Variants in FAM234B observed in about 807,000 individuals in gnomAD.
FAM234B encodes family with sequence similarity 234 member B.
In FAM234B, 33 loss-of-function variants were observed where a neutral mutation model predicts 69.3. The ratio of observed to expected loss-of-function variants is 0.48; its 90% CI spans 0.36 to 0.64. FAM234B has a LOEUF of 0.64. Ranked by LOEUF, FAM234B falls within the 30% of genes least tolerant of loss-of-function variation. The pLI is 0.00. For synonymous variants in FAM234B, 306 were observed against 306.9 expected (o/e 1.00, Z 0.03); for missense variants, 697 against 769.7 (o/e 0.91, Z 1.12).
chr12:13,056,731 G>A (rs952626605), intron 2 of FAM234B, among the ~76,000 whole-genome samples: 54 of 152,240 alleles, frequency 3.5e-4, no homozygotes, highest in African/African-American at 1.3e-3. Context: ...GTAACAAATT[G>A]TTGGTGTGTC....
Position 13,068,399 on chromosome 12 carries a change from G to T in FAM234B, c.1238G>T (p.Gly413Val), listed in dbSNP as rs142243670. ...TTRQSLVLLR[G>V]QNLTPYWALR... Reference sequence around the variant, plus strand: ...AGACAAAGCCTTGTGCTGCTTCGGGGGCAAAATCTGACACCTTACTGGGCA... The same window carrying T: ...AGACAAAGCCTTGTGCTGCTTCGGGTGCAAAATCTGACACCTTACTGGGCA... The change falls in exon 8 of 13, where the codon GGG becomes GTG. Residue 413 changes from glycine (G) to valine (V), a missense_variant. Around this residue, in one of 3 missense-constraint regions of FAM234B, gnomAD observed 313 missense variants for 305.5 expected, o/e 1.02. Transcript: ENST00000197268. The T allele has an allele frequency of 4.3e-6, 7 of 1,613,998 alleles. No homozygotes were observed. In the African/African-American group the frequency reaches 6.7e-5, roughly 15 times the overall value.
At position 13,067,960 on chromosome 12, in the gene FAM234B, G is replaced by T. The variant is rs1185254908; in HGVS notation, c.1143-344G>T. ...CATGGGCTGCTGCCCAAGCTCATTG[G>T]CAACCTCTGGCCTCCTGTCCAGATC... On this transcript the variant is annotated intron_variant, in intron 7 of 12. Transcript: ENST00000197268. The surrounding 1 kb of genome is among the most constrained non-coding windows in gnomAD (Gnocchi z 4.7). 6.6e-6 allele frequency among the ~76,000 whole-genome samples: 1 copy of T among 152,168 alleles called. No individual in the cohort carries two copies. Among genetic ancestry groups the T allele is most frequent in the East Asian group, 1.9e-4 (1 of 5,188 alleles).
At chr12:13,070,915 C>T (rs1056006565) in intron 9 of FAM234B, among the ~76,000 whole-genome samples, 4 of 152,168 alleles carry the variant, frequency 2.6e-5, no homozygotes, top group East Asian at 1.9e-4. Flanking sequence ...GGACAATCCG[C>T]GTGTCCACAT....
At chr12:13,052,444 C>T (rs746863938) in intron 1 of FAM234B, among the ~76,000 whole-genome samples, 3 of 151,902 alleles carry the variant, frequency 2.0e-5, no homozygotes, top group Non-Finnish European at 4.4e-5. Context: ...TATATTTAAA[C>T]ATTTTAAATT....
chr12:13,068,342 A>T lies in FAM234B; in HGVS notation c.1181A>T (p.Asp394Val), dbSNP rs1318504572. ...CTACTCCAGATGGTGAAGGCACCAG[A>T]TTCCAACTGCAGCAACCTTCTGATT... ...VELLQMVKAP[D>V]SNCSNLLITT... The change falls in exon 8 of 13, where the codon GAT (aspartate) becomes GTT (valine). Residue 394 changes from aspartate (D) to valine (V), a missense_variant. This residue lies in a region of FAM234B where 313 missense variants were observed against 305.5 expected (regional missense o/e 1.02). Coordinates refer to ENST00000197268, the MANE Select transcript of FAM234B (RefSeq NM_020853.2). The T allele has an allele frequency of 1.2e-6, 2 of 1,614,222 alleles. No individual in the cohort carries two copies. The highest frequency in any genetic ancestry group is 1.7e-6 in the Non-Finnish European group (2 of 1,180,032).
chr12:13,050,620 G>A (rs956561237), intron 1 of FAM234B, among the ~76,000 whole-genome samples: 3 of 152,168 alleles, frequency 2.0e-5, no homozygotes, highest in African/African-American at 7.2e-5. Flanking sequence ...GGACTCTGCA[G>A]TCAGATGCCT....
intron 2 of FAM234B, among the ~76,000 whole-genome samples, chr12:13,057,993 A>G (rs1555120202): frequency 6.6e-6 from 1 of 152,118 alleles, no homozygotes; most frequent in South Asian, 2.1e-4. Context: ...TGATAATTTT[A>G]TCTGTTTGGT....
intron 5 of FAM234B, among the ~76,000 whole-genome samples, chr12:13,066,087 A>G (rs1865033192): frequency 6.6e-6 from 1 of 152,204 alleles, no homozygotes; most frequent in Admixed American, 6.5e-5. Flanking sequence ...CTGCTTTCAC[A>G]CAAGAACAGC....
intron 3 of FAM234B, 120 bp from the exon 4 acceptor site, chr12:13,061,455 T>C (rs1864981396): frequency 5.6e-6 from 4 of 717,438 alleles, no homozygotes; most frequent in Non-Finnish European, 9.2e-6. Context: ...GGGAGCTGAA[T>C]ACACAAGTGT....
intron 1 of FAM234B, among the ~76,000 whole-genome samples, chr12:13,050,080 G>A (rs796826194): frequency 3.3e-5 from 5 of 152,298 alleles, no homozygotes; most frequent in East Asian, 1.9e-4. Flanking sequence ...GCACAGGACT[G>A]TAGGCTGCTG....
intron 11 of FAM234B, among the ~76,000 whole-genome samples, chr12:13,077,526 G>GT (rs1170968290): frequency 1.3e-5 from 2 of 150,128 alleles, no homozygotes; most frequent in East Asian, 2.0e-4. Flanking sequence ...GCGGTGTTTG[G>GT]TTTTTTGTCC....
rs1865243642 is a variant in FAM234B, at chr12:13,082,266, G to A, written c.*1636G>A. The A allele has an allele frequency of 6.6e-6, 1 of 152,060 alleles. No homozygotes were observed. Among genetic ancestry groups the A allele is most frequent in the Non-Finnish European group, 1.5e-5 (1 of 68,042 alleles). The allele number at this position is 152,060 out of a possible 1,614,324, so 9.4% of individuals were successfully genotyped here. On this transcript the variant is annotated 3_prime_UTR_variant, in exon 13 of 13. Transcript: ENST00000197268. ...AGGCGTGAGCCACCATGCCCGGCTG[G>A]GCTTGTATCTTTTAGCTTGTGTTAG...
Position 13,072,969 on chromosome 12 carries a change from G to A in FAM234B, c.1524+1573G>A, listed in dbSNP as rs148782090. Reference sequence around the variant, plus strand: ...ACAAGGAGCTAACTCAGAACCATAAGGTGGATGCCTCATGATTTCCCATTG... The same window carrying A: ...ACAAGGAGCTAACTCAGAACCATAAAGTGGATGCCTCATGATTTCCCATTG... On this transcript the variant is annotated intron_variant, in intron 10 of 12. Coordinates refer to ENST00000197268, the MANE Select transcript of FAM234B (RefSeq NM_020853.2). 3.3e-5 allele frequency among the ~76,000 whole-genome samples: 5 copies of A among 152,194 alleles called. No homozygotes were observed. In the East Asian group the frequency reaches 9.7e-4, roughly 29 times the overall value.
chr12:13,044,527 C>A lies in FAM234B; in HGVS notation c.37+87C>A, dbSNP rs1306675362. 2.1e-6 allele frequency: 3 copies of A among 1,443,850 alleles called. No homozygotes were observed. The highest frequency in any genetic ancestry group is 2.0e-5 in the Admixed American group (1 of 50,200). The allele number at this position is 1,443,850 out of a possible 1,614,324, so 89.4% of individuals were successfully genotyped here. On this transcript the variant is annotated intron_variant, in intron 1 of 12. Coordinates refer to ENST00000197268, the MANE Select transcript of FAM234B (RefSeq NM_020853.2). This position sits in a 1 kb window ranked among gnomAD's most constrained non-coding sequence, Gnocchi z 5.6. ...GGCTCTGGGGGCGAGGCCGGTCGGG[C>A]CCTGGCCTCAACCCAGACTCAGCTG...
chr12:13,046,177 C>T (rs765026552), intron 1 of FAM234B, among the ~76,000 whole-genome samples: 3 of 96,572 alleles, frequency 3.1e-5, no homozygotes, highest in African/African-American at 5.0e-5. Flanking sequence ...ACCCTGAACG[C>T]GCCCGATCTC....
intron 5 of FAM234B, among the ~76,000 whole-genome samples, chr12:13,064,266 A>AT (rs1865013781): frequency 1.3e-5 from 2 of 152,230 alleles, no homozygotes; most frequent in Admixed American, 6.5e-5. Flanking sequence ...GGATTCAGGA[A>AT]TTATTCATGT....
chr12:13,066,908 G>T, intron 6 of FAM234B, 121 bp downstream of exon 6: 1 of 1,152,840 alleles, frequency 8.7e-7, no homozygotes, highest in Non-Finnish European at 1.2e-6. Flanking sequence ...GCCTTCTAAT[G>T]CAGGGGCCTC....
intron 1 of FAM234B, among the ~76,000 whole-genome samples, chr12:13,053,387 A>G (rs560103112): frequency 6.6e-6 from 1 of 152,276 alleles, no homozygotes; most frequent in Admixed American, 6.5e-5. Flanking sequence ...CCAGCCCCCA[A>G]TATTTCAACG....
chr12:13,044,446 G>A lies in FAM234B; in HGVS notation c.37+6G>A. On this transcript the variant is annotated splice_donor_region_variant and intron_variant, in intron 1 of 12. Coordinates refer to ENST00000197268, the MANE Select transcript of FAM234B (RefSeq NM_020853.2). This position sits in a 1 kb window ranked among gnomAD's most constrained non-coding sequence, Gnocchi z 5.6. ...CAGGGCGCTCAAGCTGCCGGGTAAG[G>A]AGTCGCATGCTTGCGACCACCCAGT... 1 of 1,551,226 alleles carries A rather than the reference G, an allele frequency of 6.4e-7. No homozygotes were observed. The highest frequency in any genetic ancestry group is 8.7e-7 in the Non-Finnish European group (1 of 1,146,906).
Sources: allele counts gnomAD v4.1 joint callset (sites outside exome capture counted in the v4.1 genomes callset), GRCh38; gene constraint gnomAD v4.1.1; regional missense constraint gnomAD v4.1.1; non-coding constraint Gnocchi (gnomAD v3.1); transcripts MANE v1.5; gene names NCBI Gene and HGNC (gene_info 2026-07-23, HGNC 2026-07-21).